Variants in DHRS7B observed in about 807,000 individuals in gnomAD.
DHRS7B encodes dehydrogenase/reductase 7B, also known as peroxisomal reductase activating PPAR-gamma.
A neutral mutation model predicts 26.4 loss-of-function variants in DHRS7B; 24 were observed. That is an observed-to-expected ratio of 0.91 (90% CI 0.66 to 1.28). DHRS7B has a LOEUF of 1.28. DHRS7B is among the 50% of genes most tolerant of loss of function. The pLI is 0.00. For synonymous variants in DHRS7B, 142 were observed against 166.4 expected (o/e 0.85, Z 1.13); for missense variants, 368 against 419.4 (o/e 0.88, Z 1.07).
At chr17:21,144,600 C>G (rs1973599947) in intron 1 of DHRS7B, among the ~76,000 whole-genome samples, 1 of 151,552 alleles carries the variant, frequency 6.6e-6, no homozygotes, top group Non-Finnish European at 1.5e-5. Context: ...GGTGGATCAC[C>G]TAAGGTCAGG....
chr17:21,150,206 A>ATCCTC (rs1219568486), intron 1 of DHRS7B, among the ~76,000 whole-genome samples: 2 of 151,680 alleles, frequency 1.3e-5, no homozygotes, highest in African/African-American at 4.8e-5. Flanking sequence ...GCAGACGAGG[A>ATCCTC]GGCTGGTAAA....
At position 21,188,174 on chromosome 17, in the gene DHRS7B, A is replaced by G. The variant is rs989768700; in HGVS notation, c.620-537A>G. ...TTAACTTTTAACTTGGAATAACTTC[A>G]GACTTAAAGTTGCAGGAACAGCACA... On this transcript the variant is annotated intron_variant, in intron 5 of 6. Transcript: ENST00000395511. Among the ~76,000 whole-genome samples, 3 of 152,276 alleles carry G rather than the reference A, an allele frequency of 2.0e-5. No individual in the cohort carries two copies. The East Asian group carries it at 5.8e-4, about 29-fold the overall frequency.
intron 1 of DHRS7B, among the ~76,000 whole-genome samples, chr17:21,169,132 T>G (rs531497461): frequency 1.3e-5 from 2 of 152,326 alleles, no homozygotes; most frequent in South Asian, 4.1e-4. Flanking sequence ...AACACAAAAC[T>G]TGGGACATGA....
Position 21,184,475 on chromosome 17 carries a change from T to G in DHRS7B, c.619+12T>G, listed in dbSNP as rs1156984448. On this transcript the variant is annotated intron_variant, in intron 5 of 6. Coordinates refer to ENST00000395511, the MANE Select transcript of DHRS7B (RefSeq NM_015510.5). ...TTTTCGATCAGCATGTGAGTACTTC[T>G]CTCTCCCACAAAATGCTTGGCTTTA... 1 of 1,607,172 alleles carries G rather than the reference T, an allele frequency of 6.2e-7. No homozygotes were observed. The highest frequency in any genetic ancestry group is 1.1e-5 in the South Asian group (1 of 89,880).
intron 1 of DHRS7B, among the ~76,000 whole-genome samples, chr17:21,161,618 G>A (rs1974001532): frequency 1.3e-5 from 2 of 152,166 alleles, no homozygotes; most frequent in Non-Finnish European, 2.9e-5. Context: ...GGCCTTGTGA[G>A]AGAAATAAGA....
chr17:21,188,082 C>T (rs961199304), intron 5 of DHRS7B, among the ~76,000 whole-genome samples: 1 of 152,136 alleles, frequency 6.6e-6, no homozygotes, highest in East Asian at 1.9e-4. Context: ...GATCTCCTGA[C>T]CTCGTGATCC....
intron 5 of DHRS7B, among the ~76,000 whole-genome samples, chr17:21,187,581 G>C (rs980077869): frequency 1.3e-5 from 2 of 148,378 alleles, no homozygotes; most frequent in African/African-American, 5.0e-5. Flanking sequence ...AGCCAAGATC[G>C]TGCCACTGCA....
rs775599763 is a variant in DHRS7B, at chr17:21,188,856, G to A, written c.765G>A (p.Arg255=). Residue 255 remains arginine, a synonymous_variant, in exon 6 of 7, where the codon AGG becomes AGA. Coordinates refer to ENST00000395511, the MANE Select transcript of DHRS7B (RefSeq NM_015510.5). ...ATGCCATCACCGCGGATGGATCTAGGTATGGAGGTGAGGCCCGGTTTCTCT... is the reference window on the plus strand; with the variant it reads ...ATGCCATCACCGCGGATGGATCTAGATATGGAGGTGAGGCCCGGTTTCTCT... ...SVNAITADGS[R]YGVMDTTTAQ... The A allele has an allele frequency of 5.6e-6, 9 of 1,614,200 alleles. No individual in the cohort carries two copies. In the East Asian group the frequency reaches 1.8e-4, roughly 32 times the overall value.
At position 21,190,949 on chromosome 17, in the gene DHRS7B, T is replaced by C; in HGVS notation, c.774T>C (p.Val258=). The C allele has an allele frequency of 3.1e-6, 5 of 1,614,020 alleles. No individual in the cohort carries two copies. Among genetic ancestry groups the C allele is most frequent in the Non-Finnish European group, 4.2e-6 (5 of 1,179,992 alleles). ...AITADGSRYG[V]MDTTTAQGRS... ...TTTCTTTTGTTTTATTTATTTTAGT[T>C]ATGGACACCACCACAGCCCAGGGCC... The change falls in exon 7 of 7, where the codon GTT becomes GTC. Residue 258 remains valine, a splice_region_variant and synonymous_variant. Coordinates refer to ENST00000395511, the MANE Select transcript of DHRS7B (RefSeq NM_015510.5).
chr17:21,189,172 G>A (rs1974720930), intron 6 of DHRS7B, among the ~76,000 whole-genome samples: 1 of 152,130 alleles, frequency 6.6e-6, no homozygotes, highest in Non-Finnish European at 1.5e-5. Flanking sequence ...TAACCCATTC[G>A]CAGATCCCGA....
intron 2 of DHRS7B, 100 bp downstream of exon 2, chr17:21,172,296 C>T (rs577610092): frequency 6.2e-5 from 89 of 1,435,214 alleles, no homozygotes; most frequent in South Asian, 4.9e-4. Context: ...ATGCCCGAAG[C>T]GGCAGCAGAA....
intron 2 of DHRS7B, among the ~76,000 whole-genome samples, chr17:21,174,881 AC>A (rs1484058029): frequency 6.6e-6 from 1 of 151,866 alleles, no homozygotes. Context: ...TGCAGCCATC[AC>A]CCCCCTCATT....
chr17:21,132,404 G>A (rs539045175), intron 1 of DHRS7B, among the ~76,000 whole-genome samples: 22 of 150,892 alleles, frequency 1.5e-4, no homozygotes, highest in African/African-American at 5.1e-4. Context: ...TACCACTCAT[G>A]CCTGTGGTCC....
In DHRS7B at chr17:21,127,055, G is replaced by A. The variant is rs1212772326; in HGVS notation, c.20+64G>A. ...ATAGGGTCTGGCCTTGAGCTGAGGCGACGCCCCGGCTTGGGTGAGGGGAAG... is the reference window on the plus strand; with the variant it reads ...ATAGGGTCTGGCCTTGAGCTGAGGCAACGCCCCGGCTTGGGTGAGGGGAAG... On this transcript the variant is annotated intron_variant, in intron 1 of 6. Transcript: ENST00000395511. 19 of 1,440,834 alleles carry A rather than the reference G, an allele frequency of 1.3e-5. 1 individual carries two copies. The South Asian group carries it at 2.0e-4, about 15-fold the overall frequency. 89.3% of individuals were successfully genotyped at this position (1,440,834 alleles called of 1,614,324 possible).
intron 1 of DHRS7B, among the ~76,000 whole-genome samples, chr17:21,160,335 T>C (rs9915642): frequency 0.83 from 125,531 of 151,988 alleles, 52,027 homozygotes; most frequent in South Asian, 0.88. Flanking sequence ...CTAGCCTGGG[T>C]GACAAAGTTA....
chr17:21,182,834 G>T (rs1055622039), intron 3 of DHRS7B, among the ~76,000 whole-genome samples: 1 of 152,206 alleles, frequency 6.6e-6, no homozygotes, highest in African/African-American at 2.4e-5. Context: ...ATTCATAAGA[G>T]ATATTGCTCT....
rs376697989 is a variant in DHRS7B, at chr17:21,170,284, C to T, written c.21-1734C>T. 6.5e-4 allele frequency among the ~76,000 whole-genome samples: 99 copies of T among 152,340 alleles called. No individual in the cohort carries two copies. In the South Asian group the frequency reaches 0.02, roughly 31 times the overall value. On this transcript the variant is annotated intron_variant, in intron 1 of 6. Transcript: ENST00000395511. The stretch of plus-strand genomic sequence containing the variant: ...CAGAACCCTGGAGTGGCACAGGCCT[C>T]GGTGCCTACTCTACAGCTTTCCTGA...
chr17:21,140,829 T>C (rs1973490402), intron 1 of DHRS7B, among the ~76,000 whole-genome samples: 1 of 152,206 alleles, frequency 6.6e-6, no homozygotes, highest in Admixed American at 6.5e-5. Flanking sequence ...ATAAAACCTA[T>C]GGAATGCTCA....
chr17:21,141,640 A>AAAAAAAAACAGG, intron 1 of DHRS7B, among the ~76,000 whole-genome samples: 1 of 90,078 alleles, frequency 1.1e-5, no homozygotes, highest in African/African-American at 4.3e-5. Context: ...AAAAAAAAAA[A>AAAAAAAAACAGG]CAACCTCATC....
Sources: gnomAD v4.1 joint callset for allele counts (sites outside exome capture counted in the v4.1 genomes callset) on GRCh38, gnomAD v4.1.1 for gene constraint, MANE v1.5 for transcripts, NCBI Gene and HGNC (gene_info 2026-07-23, HGNC 2026-07-21) for gene names.